The following SORT1 variants were observed in gnomAD, a reference collection of about 807,000 sequenced individuals.
The protein encoded by SORT1 is sortilin.
In SORT1, 39 loss-of-function variants were observed where a neutral mutation model predicts 101.7. The observed-to-expected ratio is 0.38, with a 90% confidence interval of 0.30 to 0.50. The LOEUF (loss-of-function observed/expected upper bound fraction) is 0.50, where lower values mean the gene tolerates loss of function less well. Among genes scored for constraint, SORT1 ranks in the 20% least tolerant of loss-of-function variants. The probability of loss-of-function intolerance (pLI) is 0.90; values close to 1 mark genes in which losing one functional copy is unlikely to be tolerated. For synonymous variants in SORT1, 396 were observed against 393.7 expected, an observed-to-expected ratio of 1.01 and a Z score of -0.07; for missense variants, 878 against 1,040.4, an observed-to-expected ratio of 0.84 and a Z score of 2.15.
At chr1:109,390,659 A>G (rs1194221069) in intron 1 of SORT1, among the ~76,000 whole-genome samples, 1 of 152,062 alleles carries the variant, frequency 6.6e-6, no homozygotes, top group East Asian at 1.9e-4. Flanking sequence ...AAGTTAATAC[A>G]AATTTTCCTT....
In SORT1 at chr1:109,310,012, T is replaced by C. The variant is rs192362799; in HGVS notation, c.*4031A>G. The C allele has an allele frequency of 6.5e-6, 1 of 152,674 alleles. No individual in the cohort carries two copies. The highest frequency in any genetic ancestry group is 6.5e-5 in the Admixed American group (1 of 15,292). The allele number at this position is 152,674 out of a possible 1,614,324, so 9.5% of individuals were successfully genotyped here. On this transcript the variant is annotated 3_prime_UTR_variant, in exon 20 of 20. Transcript: ENST00000256637. ...AGAGTATGACCAAAACCCTCCTCCC[T>C]AGAGGTCCAAACACAGGAGGTGGGC...
At position 109,363,454 on chromosome 1, in the gene SORT1, T is replaced by C. The variant is rs184642049; in HGVS notation, c.440+3954A>G. ...AAATATGCATATGTGTGTGTATGCA[T>C]GTACATACACACAAACATATGTATA... On this transcript the variant is annotated intron_variant, in intron 3 of 19. Transcript: ENST00000256637. Among the ~76,000 whole-genome samples the C allele has an allele frequency of 5.3e-5, 8 of 152,324 alleles. No individual in the cohort carries two copies. The East Asian group carries it at 1.4e-3, about 26-fold the overall frequency.
At chr1:109,344,663 C>T (rs374607490) in intron 8 of SORT1, among the ~76,000 whole-genome samples, 9 of 152,248 alleles carry the variant, frequency 5.9e-5, no homozygotes, top group East Asian at 3.9e-4. Context: ...GATTTCTTCG[C>T]GGCTTTAATT....
intron 1 of SORT1, among the ~76,000 whole-genome samples, chr1:109,371,848 G>T (rs907232441): frequency 5.3e-5 from 8 of 152,084 alleles, no homozygotes; most frequent in Non-Finnish European, 7.4e-5. Flanking sequence ...AATAACCAAT[G>T]AAGATTTGCT....
chr1:109,317,705 G>A (rs745593507), intron 16 of SORT1, 148 bp downstream of exon 16: 167 of 624,660 alleles, frequency 2.7e-4, no homozygotes, highest in Non-Finnish European at 2.5e-4. Flanking sequence ...GTTGACCCTT[G>A]AAGGAGGCCT....
At position 109,317,875 on chromosome 1, in the gene SORT1, C is replaced by G. The variant is rs747313158; in HGVS notation, c.2119G>C (p.Glu707Gln). ...HDLEFCLYGR[E>Q]EHLTTNGYRK... ...CACCCATTTGTTGTTAGGTGTTCTT[C>G]TCTTCCGTACAGACAAAACTCCAGG... The change falls in exon 16 of 20, where the codon GAA becomes CAA. Residue 707 changes from glutamate to glutamine, a missense_variant. Glu to Gln is a conservative substitution (Grantham distance 29). Coordinates refer to ENST00000256637, the MANE Select transcript of SORT1 (RefSeq NM_002959.7). 2 of 1,612,774 alleles carry G rather than the reference C, an allele frequency of 1.2e-6. No individual in the cohort carries two copies. The highest frequency in any genetic ancestry group is 3.3e-4 in the Middle Eastern group (2 of 6,048).
rs1244605149 is a variant in SORT1 at position 109,312,224 on chromosome 1, T to A, written c.*1819A>T. ...GGGCAGAGGCTGACGTTTTCATTTGTGAGCTGGTGTATCTTCGGAATTATT... is the reference window on the plus strand; with the variant it reads ...GGGCAGAGGCTGACGTTTTCATTTGAGAGCTGGTGTATCTTCGGAATTATT... On this transcript the variant is annotated 3_prime_UTR_variant, in exon 20 of 20. Transcript: ENST00000256637. The A allele has an allele frequency of 6.6e-6, 1 of 152,360 alleles. No individual in the cohort carries two copies. Among genetic ancestry groups the A allele is most frequent in the East Asian group, 1.9e-4 (1 of 5,198 alleles). 9.4% of individuals were successfully genotyped at this position (152,360 alleles called of 1,614,324 possible). A position where few individuals can be genotyped will look rare whatever the true frequency, so the allele number is the denominator to read the frequency against.
rs1653272792 is a variant in SORT1, at chr1:109,397,622, C to T, written c.271G>A (p.Asp91Asn). Residue 91 changes from aspartate to asparagine, a missense_variant, in exon 1 of 20, where the codon GAC (aspartate) becomes AAC (asparagine). Physicochemically the swap from Asp to Asn is conservative, Grantham distance 23. This residue lies in a region of SORT1 where 194 missense variants were observed against 145.9 expected (regional missense o/e 1.33). Coordinates refer to ENST00000256637, the MANE Select transcript of SORT1 (RefSeq NM_002959.7). ...GEDEECGRVR[D>N]FVAKLANNTH... ...TTGTTGGCCAGCTTGGCGACGAAGT[C>T]CCGGACCCGGCCGCACTCCTCGTCC... The T allele has an allele frequency of 7.8e-7, 1 of 1,286,708 alleles. No individual in the cohort carries two copies. The highest frequency in any genetic ancestry group is 4.5e-5 in the East Asian group (1 of 22,020). 79.7% of individuals were successfully genotyped at this position (1,286,708 alleles called of 1,614,324 possible).
chr1:109,389,054 G>A (rs958356692), intron 1 of SORT1, among the ~76,000 whole-genome samples: 2 of 152,118 alleles, frequency 1.3e-5, no homozygotes, highest in African/African-American at 4.8e-5. Flanking sequence ...TAAACCAAAC[G>A]CATTTATGCC....
chr1:109,317,085 G>C lies in SORT1; in HGVS notation c.2142-127C>G, dbSNP rs1043484561. 42 of 646,028 alleles carry C rather than the reference G, an allele frequency of 6.5e-5. No homozygotes were observed. In the South Asian group the frequency reaches 7.9e-4, roughly 12 times the overall value. 40.0% of individuals were successfully genotyped at this position (646,028 alleles called of 1,614,324 possible). A position where few individuals can be genotyped will look rare whatever the true frequency, so the allele number is the denominator to read the frequency against. ...CATCCTTACGTCATGTTTCAGGCCTGGGGGGAATGTCCACAGGGATGTTTT... is the reference window on the plus strand; with the variant it reads ...CATCCTTACGTCATGTTTCAGGCCTCGGGGGAATGTCCACAGGGATGTTTT... On this transcript the variant is annotated intron_variant, in intron 16 of 19. Transcript: ENST00000256637.
At chr1:109,365,235 T>C (rs370702810) in intron 3 of SORT1, among the ~76,000 whole-genome samples, 2 of 152,356 alleles carry the variant, frequency 1.3e-5, no homozygotes, top group East Asian at 1.9e-4. Context: ...AGATATTTTA[T>C]GTTTTTGAGA....
chr1:109,354,585 C>T, intron 4 of SORT1, 54 bp from the exon 5 acceptor site: 3 of 1,367,054 alleles, frequency 2.2e-6, no homozygotes, highest in Non-Finnish European at 3.0e-6. Flanking sequence ...TATGCAAGCA[C>T]AGGAGTTCTT....
In SORT1 at chr1:109,318,030, C is replaced by A; in HGVS notation, c.2025-61G>T. The A allele has an allele frequency of 1.3e-5, 14 of 1,053,138 alleles. No individual in the cohort carries two copies. The South Asian group carries it at 1.8e-4, about 14-fold the overall frequency. The allele number at this position is 1,053,138 out of a possible 1,614,324, so 65.2% of individuals were successfully genotyped here. On this transcript the variant is annotated intron_variant, in intron 15 of 19. Coordinates refer to ENST00000256637, the MANE Select transcript of SORT1 (RefSeq NM_002959.7). ...AGCTGGAAGACCGTTAAGTGACTAGCAATGAAGGGTTATGTGGGGTAGTGG... is the reference window on the plus strand; with the variant it reads ...AGCTGGAAGACCGTTAAGTGACTAGAAATGAAGGGTTATGTGGGGTAGTGG...
At chr1:109,348,574 G>A (rs1192381229) in intron 6 of SORT1, among the ~76,000 whole-genome samples, 2 of 152,044 alleles carry the variant, frequency 1.3e-5, no homozygotes, top group South Asian at 2.1e-4. Flanking sequence ...CTGCAGCCTC[G>A]AACTCCTCGG....
chr1:109,322,876 C>T, intron 15 of SORT1, 56 bp downstream of exon 15: 1 of 1,440,612 alleles, frequency 6.9e-7, no homozygotes, highest in Non-Finnish European at 9.6e-7. Flanking sequence ...AGAAAACTGT[C>T]TTTCACCTCC....
Position 109,324,949 on chromosome 1 carries a change from CTGG to C in SORT1, c.1781_1783del (p.Thr594del), listed in dbSNP as rs751646395. The C allele has an allele frequency of 8.1e-6, 13 of 1,613,578 alleles. No individual in the cohort carries two copies. The African/African-American group carries it at 1.7e-4, about 22-fold the overall frequency. On this transcript the variant is annotated inframe_deletion, in exon 14 of 20. Coordinates refer to ENST00000256637, the MANE Select transcript of SORT1 (RefSeq NM_002959.7). ...ATCAATGGTGTAGGAGACCCACTGG[CTGG>C]TCAGGAAAGATTCTGTGAAGCCCCA...
intron 19 of SORT1, 57 bp downstream of exon 19, chr1:109,314,204 A>G: frequency 7.3e-7 from 1 of 1,363,784 alleles, no homozygotes; most frequent in Non-Finnish European, 9.9e-7. Flanking sequence ...GACAGACTTT[A>G]TTTTCTTGTA....
In SORT1 at chr1:109,340,894, C is replaced by G. The variant is rs371658601; in HGVS notation, c.1109-15G>C. 1 of 1,596,130 alleles carries G rather than the reference C, an allele frequency of 6.3e-7. No individual in the cohort carries two copies. The highest frequency in any genetic ancestry group is 1.3e-5 in the African/African-American group (1 of 74,144). On this transcript the variant is annotated splice_polypyrimidine_tract_variant and intron_variant, in intron 9 of 19. Transcript: ENST00000256637. ...AAACCCAGTGTCTGAAATAGGCAAACAAACAAAAATACTAAGTCTTGGGTG... is the reference window on the plus strand; with the variant it reads ...AAACCCAGTGTCTGAAATAGGCAAAGAAACAAAAATACTAAGTCTTGGGTG...
chr1:109,349,732 A>AC (rs1325253500), intron 6 of SORT1, among the ~76,000 whole-genome samples: 1 of 152,228 alleles, frequency 6.6e-6, no homozygotes, highest in Non-Finnish European at 1.5e-5. Context: ...TGCCTGTGCC[A>AC]CTGTACTCTA....
Sources: allele counts gnomAD v4.1 joint callset (sites outside exome capture counted in the v4.1 genomes callset), GRCh38; gene constraint gnomAD v4.1.1; regional missense constraint gnomAD v4.1.1; transcripts MANE v1.5; gene names NCBI Gene and HGNC (gene_info 2026-07-23, HGNC 2026-07-21).